TTC3: variants seen among roughly 807,000 people sequenced by gnomAD.
TTC3 encodes E3 ubiquitin-protein ligase TTC3.
In TTC3, 180 loss-of-function variants were observed where a neutral mutation model predicts 249.6. The ratio of observed to expected loss-of-function variants is 0.72; its 90% CI spans 0.64 to 0.82. TTC3 has a LOEUF of 0.82. Among genes scored for constraint, TTC3 ranks in the 40% least tolerant of loss-of-function variants. The pLI is 0.00. For synonymous variants in TTC3, 717 were observed against 805.0 expected (o/e 0.89, Z 1.85); for missense variants, 2,061 against 2,398.4 (o/e 0.86, Z 2.94).
Position 37,124,612 on chromosome 21 carries a change from C to G in TTC3, c.1110-7C>G. 1.9e-6 allele frequency: 3 copies of G among 1,604,492 alleles called. No individual in the cohort carries two copies. The South Asian group carries it at 3.4e-5, about 18-fold the overall frequency. On this transcript the variant is annotated splice_polypyrimidine_tract_variant and splice_region_variant and intron_variant, in intron 13 of 45. Transcript: ENST00000355666. ...ATGTATAATAATTCCTTTTTTCCCC[C>G]ACTTAGGGCCTACACACCTAGGAGT...
chr21:37,144,748 C>G, intron 21 of TTC3, 103 bp downstream of exon 21: 2 of 1,385,928 alleles, frequency 1.4e-6, no homozygotes, highest in Non-Finnish European at 9.7e-7. Context: ...CCATCCCCAC[C>G]TCCCTTACAC....
rs544593716 is a variant in TTC3 at position 37,129,977 on chromosome 21, G to A, written c.1358+914G>A. ...ATTGTTAACACCCCATTGACAACAA[G>A]ATATAAATTGATTACAATGTGAAAT... On this transcript the variant is annotated intron_variant, in intron 16 of 45. Transcript: ENST00000355666. Among the ~76,000 whole-genome samples the A allele has an allele frequency of 3.3e-5, 5 of 152,288 alleles. No individual in the cohort carries two copies. In the South Asian group the frequency reaches 1.0e-3, roughly 32 times the overall value.
chr21:37,133,147 G>A (rs1230232656), intron 17 of TTC3, among the ~76,000 whole-genome samples: 11 of 152,120 alleles, frequency 7.2e-5, no homozygotes, highest in Admixed American at 7.2e-4. Context: ...GTTAACAGTA[G>A]TATTAACTTT....
intron 16 of TTC3, 57 bp downstream of exon 16, chr21:37,129,120 A>T (rs1015373216): frequency 2.3e-6 from 3 of 1,331,902 alleles, no homozygotes; most frequent in African/African-American, 3.0e-5. Context: ...TCCCAAGAAA[A>T]AGGAAAAAAA....
exon 5 of TTC3, chr21:37,088,853 G>A: frequency 6.2e-7 from 1 of 1,613,806 alleles, no homozygotes; most frequent in Non-Finnish European, 8.5e-7. Context: ...TTGAGTTGAT[G>A]GAAGATATTG....
intron 17 of TTC3, 29 bp from the exon 18 acceptor site, chr21:37,135,351 G>A (rs567382762): frequency 1.9e-6 from 3 of 1,591,546 alleles, no homozygotes; most frequent in Admixed American, 1.7e-5. Flanking sequence ...GTAGATTCAG[G>A]TTACTGAAAT....
intron 35 of TTC3, among the ~76,000 whole-genome samples, chr21:37,174,404 T>G (rs2082062087): frequency 6.6e-6 from 1 of 152,230 alleles, no homozygotes. Context: ...TCTGAGTTCC[T>G]TGGGTTGGTG....
At chr21:37,076,284 G>T (rs1446219036) in intron 1 of TTC3, among the ~76,000 whole-genome samples, 4 of 152,158 alleles carry the variant, frequency 2.6e-5, no homozygotes, top group African/African-American at 7.2e-5. Flanking sequence ...AATTTTCACT[G>T]CTGTGTAATA....
chr21:37,078,247 A>G (rs1439731584), intron 1 of TTC3, among the ~76,000 whole-genome samples: 3 of 152,126 alleles, frequency 2.0e-5, no homozygotes, highest in South Asian at 2.1e-4. Context: ...CATTAATACT[A>G]TAGTTTTACC....
exon 33 of TTC3, chr21:37,166,569 C>G (rs1283214436): frequency 1.2e-6 from 2 of 1,613,822 alleles, no homozygotes; most frequent in Non-Finnish European, 1.7e-6. Flanking sequence ...CCAGAAAGCA[C>G]CAGTGCAGTA....
chr21:37,100,342 T>C (rs962864465), intron 10 of TTC3, among the ~76,000 whole-genome samples: 10 of 152,028 alleles, frequency 6.6e-5, no homozygotes, highest in Middle Eastern at 3.2e-3. Flanking sequence ...AAAATGCACA[T>C]GATAAAAGGA....
intron 21 of TTC3, among the ~76,000 whole-genome samples, chr21:37,146,080 C>T (rs1555890797): frequency 6.6e-6 from 1 of 152,196 alleles, no homozygotes; most frequent in Non-Finnish European, 1.5e-5. Flanking sequence ...ATGTTCATAG[C>T]AGCATTAGTC....
At chr21:37,114,219 A>C (rs1031180620) in intron 11 of TTC3, among the ~76,000 whole-genome samples, 3 of 152,142 alleles carry the variant, frequency 2.0e-5, no homozygotes, top group Admixed American at 2.0e-4. Flanking sequence ...GCTTCTGCAC[A>C]GCAAAAGAAA....
intron 30 of TTC3, among the ~76,000 whole-genome samples, chr21:37,161,400 C>T (rs984433922): frequency 2.0e-5 from 3 of 152,300 alleles, no homozygotes; most frequent in Non-Finnish European, 2.9e-5. Context: ...CTCAGCCTCC[C>T]GAGTAGCCGG....
chr21:37,157,188 T>G (rs1313936365), intron 28 of TTC3: 2 of 1,360,290 alleles, frequency 1.5e-6, no homozygotes, highest in East Asian at 4.4e-5. Flanking sequence ...TGGGAAAGAT[T>G]GCATGTTACA....
In TTC3 at chr21:37,125,999, T is replaced by C; in HGVS notation, c.1234-81T>C. 5 of 1,365,198 alleles carry C rather than the reference T, an allele frequency of 3.7e-6. No homozygotes were observed. In the South Asian group the frequency reaches 5.2e-5, roughly 14 times the overall value. 84.6% of individuals were successfully genotyped at this position (1,365,198 alleles called of 1,614,324 possible). A position where few individuals can be genotyped will look rare whatever the true frequency, so the allele number is the denominator to read the frequency against. ...GGGTGAATTCTATCCTATTCTATTC[T>C]AAATTCTTTTATATAGCTATTGAAT... On this transcript the variant is annotated intron_variant, in intron 14 of 45. Coordinates refer to ENST00000355666, the Ensembl canonical transcript of TTC3.
chr21:37,185,567 A>T, intron 36 of TTC3, 139 bp from the exon 37 acceptor site: 1 of 461,572 alleles, frequency 2.2e-6, no homozygotes, highest in South Asian at 4.8e-5. Context: ...AGAAGATACT[A>T]AAAATGAAAC....
intron 10 of TTC3, among the ~76,000 whole-genome samples, chr21:37,106,914 A>G (rs912512813): frequency 3.3e-5 from 5 of 152,258 alleles, no homozygotes; most frequent in Admixed American, 6.5e-5. Flanking sequence ...AAAAAGATCC[A>G]TATGGATGTC....
At chr21:37,126,763 G>A (rs769842062) in intron 15 of TTC3, among the ~76,000 whole-genome samples, 1 of 152,140 alleles carries the variant, frequency 6.6e-6, no homozygotes, top group Admixed American at 6.5e-5. Flanking sequence ...TCTGCTGAGG[G>A]TCTTCTTCCC....
Sources: gnomAD v4.1 joint callset for allele counts (sites outside exome capture counted in the v4.1 genomes callset) on GRCh38, gnomAD v4.1.1 for gene constraint, MANE v1.5 for transcripts, NCBI Gene and HGNC (gene_info 2026-07-23, HGNC 2026-07-21) for gene names.